The following SRPX variants were observed in gnomAD, a reference collection of about 807,000 sequenced individuals.
The protein encoded by SRPX is sushi repeat containing protein X-linked, also known as sushi repeat-containing protein SRPX.
SRPX carries 24 observed loss-of-function variants against 38.1 expected under a neutral mutation model. The ratio of observed to expected loss-of-function variants is 0.63; its 90% confidence interval spans 0.46 to 0.89. SRPX has a LOEUF of 0.89. Among genes scored for constraint, SRPX ranks in the 40% least tolerant of loss-of-function variants. The pLI is 0.00. For synonymous variants in SRPX, 184 were observed against 153.8 expected (o/e 1.20, Z -1.45); for missense variants, 416 against 377.8 (o/e 1.10, Z -0.84).
In SRPX at chrX:38,172,051, C is replaced by T. The variant is rs780388967; in HGVS notation, c.356G>A (p.Arg119Gln). The T allele has an allele frequency of 5.8e-6, 7 of 1,204,838 alleles. No homozygotes were observed. Among genetic ancestry groups the T allele is most frequent in the East Asian group, 5.9e-5 (2 of 33,704 alleles). Residue 119 changes from arginine to glutamine, a missense_variant, in exon 4 of 10, where the codon CGA becomes CAA. Coordinates refer to ENST00000378533, the MANE Select transcript of SRPX (RefSeq NM_006307.5). ...WSDKVICKQK[R>Q]CPTLAMPANG... ...TGCTGGCATGGCAAGGGTAGGACAT[C>T]GCTTTTCTGAAAATGAGAAAATCAG... is the stretch of plus-strand genomic sequence containing the variant.
At chrX:38,194,815 G>A (rs1938963977) in intron 1 of SRPX, among the ~76,000 whole-genome samples, 2 of 106,326 alleles carry the variant, frequency 1.9e-5, no homozygotes, top group African/African-American at 6.9e-5. Flanking sequence ...TTATACACAA[G>A]TCAAAAGCAT....
chrX:38,168,323 G>T (rs768219761), intron 4 of SRPX, among the ~76,000 whole-genome samples: 7 of 111,494 alleles, frequency 6.3e-5, no homozygotes, highest in African/African-American at 2.3e-4. Context: ...ATCAGGATGA[G>T]AAATTATAAA....
chrX:38,186,336 T>C (rs1015229883), intron 1 of SRPX, among the ~76,000 whole-genome samples: 2 of 111,372 alleles, frequency 1.8e-5, no homozygotes, highest in African/African-American at 6.5e-5. Context: ...AGTCGAGCCA[T>C]CAGATGAAAC....
At chrX:38,174,372 AGAG>A (rs1285116016) in intron 2 of SRPX, 21 bp from the exon 3 acceptor site, 1 of 997,029 alleles carries the variant, frequency 1.0e-6, no homozygotes, top group African/African-American at 2.0e-5. Context: ...CAGAAACAAA[AGAG>A]GAGATAAATA....
rs759171758 is a variant in SRPX at position 38,165,038 on chromosome X, C to T, written c.527-143G>A. 2.2e-5 allele frequency: 11 copies of T among 501,519 alleles called. No homozygotes were observed. In the East Asian group the frequency reaches 3.8e-4, roughly 17 times the overall value. The allele number at this position is 501,519 out of a possible 1,213,427, so 41.3% of individuals were successfully genotyped here. A position where few individuals can be genotyped will look rare whatever the true frequency, so the allele number is the denominator to read the frequency against. On this transcript the variant is annotated intron_variant, in intron 4 of 9. Coordinates refer to ENST00000378533, the MANE Select transcript of SRPX (RefSeq NM_006307.5). ...TGTTCACCCTATATATTCCCCTTTT[C>T]TCCCTTCATAATGCTTTTACTCTCC...
intron 1 of SRPX, among the ~76,000 whole-genome samples, chrX:38,206,702 G>A (rs1405427652): frequency 8.9e-6 from 1 of 111,847 alleles, no homozygotes; most frequent in African/African-American, 3.3e-5. Context: ...GAGAGACAGC[G>A]AAGAGAAGAA....
At chrX:38,184,750 T>C (rs1331104617) in intron 1 of SRPX, among the ~76,000 whole-genome samples, 1 of 112,294 alleles carries the variant, frequency 8.9e-6, no homozygotes, top group Non-Finnish European at 1.9e-5. Context: ...TTCTTTTTGA[T>C]ATTTAACTCA....
intron 7 of SRPX, among the ~76,000 whole-genome samples, chrX:38,157,567 A>G (rs749155239): frequency 9.0e-6 from 1 of 111,630 alleles, no homozygotes. Context: ...TTGTGATTAC[A>G]TTGGGCCCAC....
At chrX:38,177,213 T>G (rs1182572099) in intron 2 of SRPX, among the ~76,000 whole-genome samples, 3 of 111,715 alleles carry the variant, frequency 2.7e-5, no homozygotes, top group Non-Finnish European at 5.6e-5. Context: ...AGCATCTGAT[T>G]AACGTATTTG....
chrX:38,209,704 A>G, intron 1 of SRPX, among the ~76,000 whole-genome samples: 1 of 112,641 alleles, frequency 8.9e-6, no homozygotes, highest in Non-Finnish European at 1.9e-5. Flanking sequence ...AAGTAACGTG[A>G]AGAGGAGAGA....
intron 1 of SRPX, among the ~76,000 whole-genome samples, chrX:38,206,556 T>C (rs189151775): frequency 2.6e-4 from 29 of 112,129 alleles, no homozygotes; most frequent in South Asian, 7.5e-4. Flanking sequence ...CAAAGAACTC[T>C]GGACCAGAAA....
chrX:38,151,418 A>G (rs1938011765), intron 9 of SRPX, among the ~76,000 whole-genome samples: 1 of 112,014 alleles, frequency 8.9e-6, no homozygotes, highest in African/African-American at 3.2e-5. Context: ...ACAGAGGAAT[A>G]GGGAATGTGG....
At chrX:38,191,713 C>A (rs747604211) in intron 1 of SRPX, among the ~76,000 whole-genome samples, 156 of 111,750 alleles carry the variant, frequency 1.4e-3, no homozygotes, top group Non-Finnish European at 2.5e-3. Context: ...TGGTGACTGA[C>A]GACTGACAGA....
At chrX:38,155,928 G>A (rs995274440) in intron 8 of SRPX, among the ~76,000 whole-genome samples, 3 of 111,824 alleles carry the variant, frequency 2.7e-5, no homozygotes, top group African/African-American at 9.7e-5. Context: ...ATTTTATATG[G>A]CTCTTCAGAG....
At chrX:38,152,371 C>CAATTT (rs1938033410) in intron 9 of SRPX, among the ~76,000 whole-genome samples, 3 of 112,298 alleles carry the variant, frequency 2.7e-5, no homozygotes, top group Non-Finnish European at 5.6e-5. Context: ...TCCTTGAAGG[C>CAATTT]TGCTGGGCAA....
chrX:38,173,957 C>T (rs148584473), intron 3 of SRPX, among the ~76,000 whole-genome samples: 1 of 112,198 alleles, frequency 8.9e-6, no homozygotes, highest in East Asian at 2.8e-4. Context: ...GATCTTCTCT[C>T]CCCTTTTCTC....
chrX:38,168,370 C>T (rs761583015), intron 4 of SRPX, among the ~76,000 whole-genome samples: 28 of 111,469 alleles, frequency 2.5e-4, no homozygotes, highest in African/African-American at 8.8e-4. Context: ...AGCCAGACCC[C>T]AGTCAGTACA....
chrX:38,181,105 T>A (rs1198154422), intron 1 of SRPX, among the ~76,000 whole-genome samples: 6 of 112,463 alleles, frequency 5.3e-5, no homozygotes, highest in Non-Finnish European at 9.4e-5. Context: ...CCTCTTACCC[T>A]TTCCTAATCT....
chrX:38,201,427 A>AATT (rs1939109935), intron 1 of SRPX, among the ~76,000 whole-genome samples: 1 of 112,032 alleles, frequency 8.9e-6, no homozygotes, highest in Non-Finnish European at 1.9e-5. Flanking sequence ...GGTAAGATGC[A>AATT]GTAATCGTAC....
Sources: gnomAD v4.1 joint callset for allele counts (sites outside exome capture counted in the v4.1 genomes callset) on GRCh38, gnomAD v4.1.1 for gene constraint, MANE v1.5 for transcripts, NCBI Gene and HGNC (gene_info 2026-07-23, HGNC 2026-07-21) for gene names.